Variants in NPHP1 observed in about 807,000 individuals in gnomAD.
NPHP1 encodes the protein nephrocystin 1.
A neutral mutation model predicts 90.4 loss-of-function variants in NPHP1; 70 were observed. The ratio of observed to expected loss-of-function variants is 0.77; its 90% CI spans 0.64 to 0.95. NPHP1 has a LOEUF of 0.95. Ranked by LOEUF, NPHP1 falls within the 40% of genes least tolerant of loss-of-function variation. The pLI is 0.00. For missense variants in NPHP1, 764 were observed against 795.9 expected, an observed-to-expected ratio of 0.96 and a Z score of 0.48; for synonymous variants, 256 against 271.7, an observed-to-expected ratio of 0.94 and a Z score of 0.57.
Position 110,167,677 on chromosome 2 carries a change from G to A in NPHP1, c.624+775C>T, listed in dbSNP as rs115023388. On this transcript the variant is annotated intron_variant, in intron 6 of 19. Transcript: ENST00000445609. Reference sequence around the variant, plus strand: ...CTGAACCCCTGAGGTGATGGTATGGGAACTCGTGAATGTATAGCCAGTCAG... The same window carrying A: ...CTGAACCCCTGAGGTGATGGTATGGAAACTCGTGAATGTATAGCCAGTCAG... 3.2e-3 allele frequency among the ~76,000 whole-genome samples: 480 copies of A among 152,210 alleles called. 3 individuals carry two copies. Among genetic ancestry groups the A allele is most frequent in the African/African-American group, 0.011 (465 of 41,530 alleles).
At chr2:110,188,629 T>C (rs1455260053) in intron 2 of NPHP1, among the ~76,000 whole-genome samples, 1 of 151,908 alleles carries the variant, frequency 6.6e-6, no homozygotes, top group Non-Finnish European at 1.5e-5. Context: ...CAAACTTCCA[T>C]TGACATTCTT....
intron 10 of NPHP1, among the ~76,000 whole-genome samples, chr2:110,161,347 T>C (rs1682310271): frequency 6.6e-6 from 1 of 152,124 alleles, no homozygotes; most frequent in African/African-American, 2.4e-5. Context: ...AGGCAAAGAA[T>C]GATTAAGATA....
In NPHP1 at chr2:110,164,551, C is replaced by T. The variant is rs779083426; in HGVS notation, c.771+137G>A. The T allele has an allele frequency of 1.2e-5, 19 of 1,573,128 alleles. No individual in the cohort carries two copies. The highest frequency in any genetic ancestry group is 4.1e-5 in the African/African-American group (3 of 73,928). ...CACAGGCTTAGAAACCAGAAATATA[C>T]GTCCTCTGCTCTGTACATTCCATGC... On this transcript the variant is annotated intron_variant, in intron 8 of 19. Coordinates refer to ENST00000445609, the MANE Select transcript of NPHP1 (RefSeq NM_001128178.3).
At chr2:110,165,679 A>G (rs917047562) in intron 6 of NPHP1, among the ~76,000 whole-genome samples, 1 of 152,126 alleles carries the variant, frequency 6.6e-6, no homozygotes, top group Non-Finnish European at 1.5e-5. Context: ...TCCTGAGGGG[A>G]AAAAAAGAAA....
At chr2:110,181,262 A>C (rs1294797282) in intron 2 of NPHP1, among the ~76,000 whole-genome samples, 1 of 152,186 alleles carries the variant, frequency 6.6e-6, no homozygotes, top group Non-Finnish European at 1.5e-5. Flanking sequence ...CTCCTAATGT[A>C]TCATATGTGC....
At position 110,124,565 on chromosome 2, in the gene NPHP1, G is replaced by A. The variant is rs1679218035; in HGVS notation, c.1762-502C>T. On this transcript the variant is annotated intron_variant, in intron 19 of 19. Coordinates refer to ENST00000445609, the MANE Select transcript of NPHP1 (RefSeq NM_001128178.3). ...GGAGGTCGAGGGGTCCTTTGGTGAT[G>A]AGGATGTCAGACCCTTCACAGATAA... 1.8e-5 allele frequency: 4 copies of A among 223,266 alleles called. No homozygotes were observed. In the East Asian group the frequency reaches 2.9e-4, roughly 16 times the overall value. 13.8% of individuals were successfully genotyped at this position (223,266 alleles called of 1,614,324 possible).
chr2:110,163,060 G>A lies in NPHP1; in HGVS notation c.847C>T (p.Leu283Phe). The A allele has an allele frequency of 6.2e-7, 1 of 1,611,980 alleles. No homozygotes were observed. Among genetic ancestry groups the A allele is most frequent in the Non-Finnish European group, 8.5e-7 (1 of 1,178,072 alleles). ...AGGCACGCATTACCTTCCTCCAGAA[G>A]CTGTGAGAGCGTGGAAGGCCTGAAC... ...AGFRPSTLSQ[L>F]LEEGNQFRAN... is the part of the protein sequence containing the mutation. Residue 283 changes from leucine to phenylalanine, a missense_variant, in exon 9 of 20, where the codon CTT (leucine) becomes TTT (phenylalanine). Leu to Phe is a conservative substitution (Grantham distance 22). Transcript: ENST00000445609.
intron 16 of NPHP1, among the ~76,000 whole-genome samples, chr2:110,141,744 G>A (rs929189881): frequency 6.6e-5 from 10 of 152,088 alleles, no homozygotes; most frequent in Middle Eastern, 3.4e-3. Context: ...AGGCCGAGGT[G>A]GGCGGATCAC....
intron 2 of NPHP1, among the ~76,000 whole-genome samples, chr2:110,194,222 G>GT (rs1313083630): frequency 6.6e-6 from 1 of 151,970 alleles, no homozygotes; most frequent in East Asian, 1.9e-4. Flanking sequence ...CCAGGAGCTG[G>GT]TTTTTTGAAA....
At chr2:110,137,923 C>T (rs549454047) in intron 16 of NPHP1, among the ~76,000 whole-genome samples, 5 of 148,384 alleles carry the variant, frequency 3.4e-5, no homozygotes, top group African/African-American at 1.0e-4. Flanking sequence ...TTGGAACCAA[C>T]CCAAATGTCC....
At position 110,150,083 on chromosome 2, in the gene NPHP1, G is replaced by C. The variant is rs1198360647; in HGVS notation, c.1158+99C>G. 5 of 983,154 alleles carry C rather than the reference G, an allele frequency of 5.1e-6. No homozygotes were observed. In the African/African-American group the frequency reaches 8.0e-5, roughly 16 times the overall value. 60.9% of individuals were successfully genotyped at this position (983,154 alleles called of 1,614,324 possible). On this transcript the variant is annotated intron_variant, in intron 12 of 19. Coordinates refer to ENST00000445609, the MANE Select transcript of NPHP1 (RefSeq NM_001128178.3). Reference sequence around the variant, plus strand: ...CTCAAAGAACACCAAAGAATCTAAAGATTTATATCTGTTCCCACATACTCT... The same window carrying C: ...CTCAAAGAACACCAAAGAATCTAAACATTTATATCTGTTCCCACATACTCT...
chr2:110,161,022 T>C (rs1198825241), intron 10 of NPHP1, among the ~76,000 whole-genome samples: 1 of 151,960 alleles, frequency 6.6e-6, no homozygotes, highest in East Asian at 1.9e-4. Context: ...AAAAATTACC[T>C]GGGCATGGTG....
chr2:110,167,067 T>C (rs750769017), intron 6 of NPHP1, among the ~76,000 whole-genome samples: 10 of 152,158 alleles, frequency 6.6e-5, no homozygotes, highest in Non-Finnish European at 1.0e-4. Context: ...ATAAAATATA[T>C]TATTAAAAAT....
chr2:110,200,115 C>A lies in NPHP1; in HGVS notation c.143+1306G>T, dbSNP rs1685466663. 2.0e-5 allele frequency among the ~76,000 whole-genome samples: 3 copies of A among 152,032 alleles called. 1 individual carries two copies. The South Asian group carries it at 6.2e-4, about 32-fold the overall frequency. ...CTAAAAATACAAAAAATTAGCCAGGCATGGTGGCGGGCACCTGTAATCCCA... is the reference window on the plus strand; with the variant it reads ...CTAAAAATACAAAAAATTAGCCAGGAATGGTGGCGGGCACCTGTAATCCCA... On this transcript the variant is annotated intron_variant, in intron 2 of 19. Coordinates refer to ENST00000445609, the MANE Select transcript of NPHP1 (RefSeq NM_001128178.3).
intron 19 of NPHP1, 91 bp from the exon 20 acceptor site, chr2:110,124,154 G>C (rs1679187600): frequency 6.9e-7 from 1 of 1,458,928 alleles, no homozygotes; most frequent in Non-Finnish European, 9.6e-7. Context: ...CTAAGAGGTA[G>C]GATGGAGGGT....
chr2:110,123,789 T>C lies in NPHP1; in HGVS notation c.*2A>G. The C allele has an allele frequency of 6.2e-7, 1 of 1,613,884 alleles. No homozygotes were observed. Among genetic ancestry groups the C allele is most frequent in the South Asian group, 1.1e-5 (1 of 91,062 alleles). ...GAAGCTGAGGGCTAGAGGCTGCCAC[T>C]GTCACACTGCATTCTTTCTCATTTC... On this transcript the variant is annotated 3_prime_UTR_variant, in exon 20 of 20. Coordinates refer to ENST00000445609, the MANE Select transcript of NPHP1 (RefSeq NM_001128178.3).
intron 2 of NPHP1, among the ~76,000 whole-genome samples, chr2:110,195,667 T>G (rs1685114556): frequency 6.6e-6 from 1 of 152,110 alleles, no homozygotes; most frequent in Admixed American, 6.5e-5. Context: ...TAAGTTCATA[T>G]GGAACCAAAA....
intron 8 of NPHP1, chr2:110,164,331 C>G (rs973565373): frequency 1.7e-6 from 1 of 598,274 alleles, no homozygotes; most frequent in African/African-American, 1.9e-5. Flanking sequence ...ATCACCATGC[C>G]TGGCCAATTT....
rs1477580913 is a variant in NPHP1 at position 110,150,475 on chromosome 2, T to C, written c.1084-219A>G. Among the ~76,000 whole-genome samples, 3 of 152,196 alleles carry C rather than the reference T, an allele frequency of 2.0e-5. No homozygotes were observed. The East Asian group carries it at 5.8e-4, about 29-fold the overall frequency. On this transcript the variant is annotated intron_variant, in intron 11 of 19. Coordinates refer to ENST00000445609, the MANE Select transcript of NPHP1 (RefSeq NM_001128178.3). ...GGACTCCTATGCTAGTAATAAATTA[T>C]ATTAAGTGAATTCCTTAATATCTGA...
Sources: gnomAD v4.1 joint callset for allele counts (sites outside exome capture counted in the v4.1 genomes callset) on GRCh38, gnomAD v4.1.1 for gene constraint, MANE v1.5 for transcripts, NCBI Gene and HGNC (gene_info 2026-07-23, HGNC 2026-07-21) for gene names.